Variants in CSTPP1 observed in about 807,000 individuals in gnomAD.
CSTPP1 encodes centriolar satellite-associated tubulin polyglutamylase complex regulator 1, also known as UPF0705 protein C11orf49.
At chr11:47,049,546 G>C in the CSTPP1 span, among the ~76,000 whole-genome samples, 1 of 152,122 alleles carries the variant, frequency 6.6e-6, no homozygotes, top group East Asian at 2.0e-4. Context: ...GCTGAGGTGG[G>C]AGGATCAGTG....
the CSTPP1 span, chr11:47,137,420 T>C: frequency 6.6e-7 from 1 of 1,512,126 alleles, no homozygotes; most frequent in Non-Finnish European, 8.8e-7. Flanking sequence ...GCTCCTTTGG[T>C]CAAAATGGTG....
the CSTPP1 span, among the ~76,000 whole-genome samples, chr11:46,992,302 A>C: frequency 8.8e-3 from 1,335 of 151,592 alleles, 9 homozygotes; most frequent in Non-Finnish European, 0.013. Flanking sequence ...GGTTTGTTAC[A>C]TATGTATACA....
At chr11:47,161,231 C>T in the CSTPP1 span, 1 of 1,614,046 alleles carries the variant, frequency 6.2e-7, no homozygotes, top group Non-Finnish European at 8.5e-7. Flanking sequence ...TTGTGGGGGC[C>T]AGACGGGTCG....
At chr11:47,163,344 G>C in the CSTPP1 span, among the ~76,000 whole-genome samples, 158 of 152,220 alleles carry the variant, frequency 1.0e-3, no homozygotes, top group African/African-American at 3.4e-3. Flanking sequence ...TATCAACTTG[G>C]GATGGAGTCC....
At chr11:47,080,040 G>A in the CSTPP1 span, among the ~76,000 whole-genome samples, 2 of 152,124 alleles carry the variant, frequency 1.3e-5, no homozygotes, top group South Asian at 2.1e-4. Context: ...AGGTTGCAGT[G>A]AGCCAAGGTC....
At chr11:47,136,143 C>T in the CSTPP1 span, among the ~76,000 whole-genome samples, 1 of 152,150 alleles carries the variant, frequency 6.6e-6, no homozygotes. Context: ...TAGAAAAGCA[C>T]GATGATTCAA....
At chr11:47,149,193 C>G in the CSTPP1 span, among the ~76,000 whole-genome samples, 17 of 152,248 alleles carry the variant, frequency 1.1e-4, no homozygotes, top group Non-Finnish European at 2.1e-4. Flanking sequence ...CTCTACTTCT[C>G]CCCAAGAGTC....
At chr11:46,982,768 A>G in the CSTPP1 span, among the ~76,000 whole-genome samples, 1 of 152,198 alleles carries the variant, frequency 6.6e-6, no homozygotes, top group Non-Finnish European at 1.5e-5. Flanking sequence ...AAGATAGTCT[A>G]AACATCTTGG....
the CSTPP1 span, among the ~76,000 whole-genome samples, chr11:47,053,290 A>G: frequency 6.6e-6 from 1 of 152,150 alleles, no homozygotes; most frequent in Non-Finnish European, 1.5e-5. Context: ...CTGTAAAGGA[A>G]TAATGGAGCT....
the CSTPP1 span, among the ~76,000 whole-genome samples, chr11:46,954,279 T>C: frequency 2.6e-5 from 4 of 152,290 alleles, 1 homozygote; most frequent in South Asian, 8.3e-4. Context: ...CTGGATGCAG[T>C]AGCTTATGCC....
At chr11:46,936,851 G>T in the CSTPP1 span, 1 of 1,590,536 alleles carries the variant, frequency 6.3e-7, no homozygotes, top group Non-Finnish European at 8.5e-7. Context: ...CGAGTATCTG[G>T]GTAGGAACCC....
chr11:47,010,549 C>T, the CSTPP1 span, among the ~76,000 whole-genome samples: 4 of 152,154 alleles, frequency 2.6e-5, no homozygotes, highest in Non-Finnish European at 5.9e-5. Flanking sequence ...ATGGTTCAGC[C>T]ACCTGTGGAT....
At chr11:47,077,808 T>C in the CSTPP1 span, among the ~76,000 whole-genome samples, 1 of 152,184 alleles carries the variant, frequency 6.6e-6, no homozygotes, top group African/African-American at 2.4e-5. Context: ...GAATTGATTA[T>C]CTGTTGTGTA....
chr11:47,145,095 C>G, the CSTPP1 span, among the ~76,000 whole-genome samples: 1 of 143,158 alleles, frequency 7.0e-6, no homozygotes. Flanking sequence ...TCAAGCGATT[C>G]TCTCGCCTCA....
chr11:47,151,130 A>G, the CSTPP1 span, among the ~76,000 whole-genome samples: 16 of 152,062 alleles, frequency 1.1e-4, no homozygotes, highest in African/African-American at 3.6e-4. Flanking sequence ...CAGGATGGAT[A>G]CTCAATTAGA....
At chr11:47,126,732 G>C in the CSTPP1 span, among the ~76,000 whole-genome samples, 1 of 152,028 alleles carries the variant, frequency 6.6e-6, no homozygotes, top group Non-Finnish European at 1.5e-5. Flanking sequence ...AGGAGTTTGA[G>C]ACCAGCCTGA....
the CSTPP1 span, among the ~76,000 whole-genome samples, chr11:46,940,028 A>G: frequency 3.3e-5 from 5 of 151,794 alleles, no homozygotes; most frequent in Admixed American, 6.6e-5. Flanking sequence ...GAGCCACCAC[A>G]CCTGGCTAAG....
chr11:47,046,467 A>G, the CSTPP1 span, among the ~76,000 whole-genome samples: 1 of 151,966 alleles, frequency 6.6e-6, no homozygotes, highest in Non-Finnish European at 1.5e-5. Context: ...GAATAAGTCT[A>G]ACTGAGGAGG....
At chr11:47,023,810 T>C in the CSTPP1 span, among the ~76,000 whole-genome samples, 2 of 152,234 alleles carry the variant, frequency 1.3e-5, no homozygotes, top group Non-Finnish European at 2.9e-5. Context: ...GACTGAATAA[T>C]AGTCCGTTGT....
Sources: gnomAD v4.1 joint callset for allele counts (sites outside exome capture counted in the v4.1 genomes callset) on GRCh38, gnomAD v4.1.1 for gene constraint, MANE v1.5 for transcripts, NCBI Gene and HGNC (gene_info 2026-07-23, HGNC 2026-07-21) for gene names.